LRIT1: variants seen among roughly 807,000 people sequenced by gnomAD.
LRIT1 encodes leucine rich repeat, Ig-like and transmembrane domains 1.
A neutral mutation model predicts 24.0 loss-of-function variants in LRIT1; 23 were observed. The observed-to-expected ratio is 0.96, with a 90% CI of 0.69 to 1.36. The LOEUF is 1.36. Ranked by LOEUF, LRIT1 falls within the 40% of genes most tolerant of loss-of-function variation. The pLI, the probability that LRIT1 is intolerant of heterozygous loss-of-function variation, is 0.00. For missense variants in LRIT1, 846 were observed against 806.3 expected (o/e 1.05, Z -0.60); for synonymous variants, 361 against 340.5 (o/e 1.06, Z -0.66).
intron 2 of LRIT1, among the ~76,000 whole-genome samples, chr10:84,235,916 G>A (rs1373453061): frequency 6.6e-6 from 1 of 151,424 alleles, no homozygotes; most frequent in Non-Finnish European, 1.5e-5. Context: ...CGGCCCAGAT[G>A]GGTTTTTAAA....
At position 84,234,057 on chromosome 10, in the gene LRIT1, C is replaced by G; in HGVS notation, c.895+16G>C. ...CAGTCTAGGTTCTCAGTGCAGCATC[C>G]CTGTAGCTCACATACCTGTACCATT... On this transcript the variant is annotated intron_variant, in intron 3 of 3. Coordinates refer to ENST00000372105, the MANE Select transcript of LRIT1 (RefSeq NM_015613.3). 2 of 1,470,630 alleles carry G rather than the reference C, an allele frequency of 1.4e-6. No individual in the cohort carries two copies. The highest frequency in any genetic ancestry group is 1.8e-6 in the Non-Finnish European group (2 of 1,111,652). The allele number at this position is 1,470,630 out of a possible 1,614,324, so 91.1% of individuals were successfully genotyped here. A position where few individuals can be genotyped will look rare whatever the true frequency, so the allele number is the denominator to read the frequency against.
intron 1 of LRIT1, among the ~76,000 whole-genome samples, chr10:84,240,119 C>T (rs1227028883): frequency 6.6e-6 from 1 of 152,222 alleles, no homozygotes; most frequent in East Asian, 1.9e-4. Flanking sequence ...AAAACTGAAT[C>T]GGAATGCCTG....
In LRIT1 at chr10:84,237,284, G is replaced by A. The variant is rs1404333855; in HGVS notation, c.525C>T (p.Ile175=). The change falls in exon 2 of 4, where the codon ATC becomes ATT. Residue 175 remains isoleucine, a synonymous_variant. Coordinates refer to ENST00000372105, the MANE Select transcript of LRIT1 (RefSeq NM_015613.3). ...NQLMRLPQEL[I]VSWAHLETGI... is the part of the protein sequence containing the mutation. Reference sequence around the variant, plus strand: ...CGGTCTCCAGGTGAGCCCAGGAGACGATGAGCTCCTGCGGGAGCCTCATCA... The same window carrying A: ...CGGTCTCCAGGTGAGCCCAGGAGACAATGAGCTCCTGCGGGAGCCTCATCA... 4 of 1,550,908 alleles carry A rather than the reference G, an allele frequency of 2.6e-6. No individual in the cohort carries two copies. The African/African-American group carries it at 4.1e-5, about 16-fold the overall frequency.
rs1315974055 is a variant in LRIT1, at chr10:84,234,331, CCAGGT to C, written c.632_636del (p.Asp211GlyfsTer15). The C allele has an allele frequency of 3.1e-6, 5 of 1,599,818 alleles. No individual in the cohort carries two copies. The highest frequency in any genetic ancestry group is 1.3e-5 in the African/African-American group (1 of 74,588). On this transcript the variant is annotated frameshift_variant, in exon 3 of 4. Transcript: ENST00000372105. LOFTEE classifies it high-confidence loss of function. Reference sequence around the variant, plus strand: ...GGGGCCCAGCCATCCAAAAGATGAACCAGGTCATAGAGTCGGCAGTCACATGCCCA... The same window carrying C: ...GGGGCCCAGCCATCCAAAAGATGAACCATAGAGTCGGCAGTCACATGCCCA...
chr10:84,241,093 A>T (rs1381753758), intron 1 of LRIT1, among the ~76,000 whole-genome samples: 1 of 152,100 alleles, frequency 6.6e-6, no homozygotes, highest in African/African-American at 2.4e-5. Flanking sequence ...CTTGTGCCTC[A>T]CCCTCGGGCC....
intron 2 of LRIT1, among the ~76,000 whole-genome samples, chr10:84,234,792 A>G (rs898740703): frequency 6.6e-6 from 1 of 152,162 alleles, no homozygotes; most frequent in Non-Finnish European, 1.5e-5. Flanking sequence ...TTCTCCCAGT[A>G]TAAATGGTAT....
intron 1 of LRIT1, among the ~76,000 whole-genome samples, chr10:84,240,141 C>T (rs376994663): frequency 6.6e-6 from 1 of 152,222 alleles, no homozygotes; most frequent in Non-Finnish European, 1.5e-5. Context: ...GTTCCAGGAC[C>T]GGTTTTGTCA....
At position 84,234,384 on chromosome 10, in the gene LRIT1, G is replaced by C. The variant is rs1164117397; in HGVS notation, c.590-6C>G. 1 of 1,521,640 alleles carries C rather than the reference G, an allele frequency of 6.6e-7. No individual in the cohort carries two copies. Among genetic ancestry groups the C allele is most frequent in the East Asian group, 2.3e-5 (1 of 43,438 alleles). The allele number at this position is 1,521,640 out of a possible 1,614,324, so 94.3% of individuals were successfully genotyped here. On this transcript the variant is annotated splice_region_variant and splice_polypyrimidine_tract_variant and intron_variant, in intron 2 of 3. Transcript: ENST00000372105. Reference sequence around the variant, plus strand: ...CCAGGGGTTGTCCTGTAGCCCTGCAGGAGTAAAAAAGAAGACAAGATATTC... The same window carrying C: ...CCAGGGGTTGTCCTGTAGCCCTGCACGAGTAAAAAAGAAGACAAGATATTC...
chr10:84,239,285 C>G (rs1842674976), intron 1 of LRIT1, among the ~76,000 whole-genome samples: 1 of 152,174 alleles, frequency 6.6e-6, no homozygotes, highest in Non-Finnish European at 1.5e-5. Flanking sequence ...TTTCCAGATA[C>G]TACAATAGGT....
intron 2 of LRIT1, 116 bp from the exon 3 acceptor site, chr10:84,234,494 G>A: frequency 2.7e-6 from 2 of 749,916 alleles, no homozygotes; most frequent in Non-Finnish European, 4.1e-6. Context: ...AGCAGAACTG[G>A]CCTCTGGACC....
intron 2 of LRIT1, among the ~76,000 whole-genome samples, chr10:84,234,920 T>A (rs773823136): frequency 6.6e-6 from 1 of 152,104 alleles, no homozygotes; most frequent in Non-Finnish European, 1.5e-5. Flanking sequence ...CTAGGCTATA[T>A]CCCCTACTGT....
intron 1 of LRIT1, 99 bp from the exon 2 acceptor site, chr10:84,237,785 T>C (rs942251918): frequency 1.1e-6 from 1 of 911,062 alleles, no homozygotes; most frequent in Admixed American, 2.7e-5. Flanking sequence ...CTGCCTGTTA[T>C]CACCGGACAC....
At position 84,232,136 on chromosome 10, in the gene LRIT1, G is replaced by C. The variant is rs75121307; in HGVS notation, c.1663C>G (p.Arg555Gly). The change falls in exon 4 of 4, where the codon CGC becomes GGC. Residue 555 changes from arginine to glycine, a missense_variant. Transcript: ENST00000372105. ...LLVCCSALQK[R>G]CRKCFNKDST... ...TCCTTGTTGAAGCACTTTCGGCAGC[G>C]CTTCTGAAGAGCACTGCAGCAGACA... The C allele has an allele frequency of 1.9e-6, 3 of 1,614,182 alleles. No homozygotes were observed. The East Asian group carries it at 6.7e-5, about 36-fold the overall frequency.
Position 84,231,770 on chromosome 10 carries a change from C to T in LRIT1, c.*157G>A, listed in dbSNP as rs942393762. On this transcript the variant is annotated 3_prime_UTR_variant, in exon 4 of 4. Transcript: ENST00000372105. ...GTAGTAAGTGCTTAACAAGTGTTAG[C>T]GGTTGTTGCAGTAGCAGCTGCTGCT... is the stretch of plus-strand genomic sequence containing the variant. The T allele has an allele frequency of 1.9e-5, 14 of 718,858 alleles. No individual in the cohort carries two copies. Among genetic ancestry groups the T allele is most frequent in the South Asian group, 7.6e-5 (4 of 52,400 alleles). 44.5% of individuals were successfully genotyped at this position (718,858 alleles called of 1,614,324 possible). A position where few individuals can be genotyped will look rare whatever the true frequency, so the allele number is the denominator to read the frequency against.
Position 84,234,318 on chromosome 10 carries a change from T to A in LRIT1, c.650A>T (p.Asp217Val). 6.2e-7 allele frequency: 1 copy of A among 1,604,874 alleles called. No homozygotes were observed. Among genetic ancestry groups the A allele is most frequent in the South Asian group, 1.1e-5 (1 of 89,948 alleles). ...GAAGGCCAAGTTTGGGGCCCAGCCA[T>A]CCAAAAGATGAACCAGGTCATAGAG... ...CRLYDLVHLL[D>V]GWAPNLAFIE... The change falls in exon 3 of 4, where the codon GAT becomes GTT. Residue 217 changes from aspartate to valine, a missense_variant. Coordinates refer to ENST00000372105, the MANE Select transcript of LRIT1 (RefSeq NM_015613.3).
chr10:84,235,452 A>G (rs1384044663), intron 2 of LRIT1, among the ~76,000 whole-genome samples: 6 of 152,230 alleles, frequency 3.9e-5, no homozygotes, highest in Non-Finnish European at 7.3e-5. Flanking sequence ...TTATCACAAT[A>G]GGGCCAGAAA....
Position 84,237,663 on chromosome 10 carries a change from T to C in LRIT1, c.146A>G (p.Asp49Gly). The change falls in exon 2 of 4, where the codon GAC becomes GGC. Residue 49 changes from aspartate (D) to glycine (G), a missense_variant. Physicochemically the swap from Asp to Gly is moderately conservative, Grantham distance 94 (BLOSUM62 -1). Transcript: ENST00000372105. The part of the protein sequence containing the change: ...KARTVVCNDP[D>G]MTLPPASIPP... ...GATGGACGCCGGGGGCAGGGTCATG[T>C]CGGGGTCGTTGCACACTACTGTCCT... 5.0e-6 allele frequency: 8 copies of C among 1,603,120 alleles called. No individual in the cohort carries two copies. The highest frequency in any genetic ancestry group is 5.9e-6 in the Non-Finnish European group (7 of 1,177,962).
rs146370637 is a variant in LRIT1 at position 84,232,283 on chromosome 10, G to T, written c.1516C>A (p.Arg506=). 8 of 1,613,870 alleles carry T rather than the reference G, an allele frequency of 5.0e-6. No homozygotes were observed. The highest frequency in any genetic ancestry group is 2.2e-5 in the East Asian group (1 of 44,880). ...GAGAAAATAACACACTGCTCCTTCC[G>T]GGGCACCAGGCCCTGCACACAGACA... ...ACVCVQGLVP[R]KEQCVIFSTN... The change falls in exon 4 of 4, where the codon CGG becomes AGG. Residue 506 remains arginine (R), a synonymous_variant. Transcript: ENST00000372105.
chr10:84,239,441 T>C (rs1842676004), intron 1 of LRIT1, among the ~76,000 whole-genome samples: 1 of 152,020 alleles, frequency 6.6e-6, no homozygotes, highest in Non-Finnish European at 1.5e-5. Context: ...CAAGACCCTG[T>C]CTCAAAAAAA....
Sources: allele counts gnomAD v4.1 joint callset (sites outside exome capture counted in the v4.1 genomes callset), GRCh38; gene constraint gnomAD v4.1.1; transcripts MANE v1.5; gene names NCBI Gene and HGNC (gene_info 2026-07-23, HGNC 2026-07-21).